The following AGAP3 variants were observed in gnomAD, a reference collection of about 807,000 sequenced individuals.
The protein encoded by AGAP3 is arf-GAP with GTPase, ANK repeat and PH domain-containing protein 3.
In AGAP3, 24 loss-of-function variants were observed where a neutral mutation model predicts 96.9. That is an observed-to-expected ratio of 0.25 (90% CI 0.18 to 0.35). The LOEUF (loss-of-function observed/expected upper bound fraction) is 0.35, where lower values mean the gene tolerates loss of function less well. Among genes scored for constraint, AGAP3 ranks in the 10% least tolerant of loss-of-function variants. The pLI, the probability that AGAP3 is intolerant of heterozygous loss-of-function variation, is 1.00. For missense variants in AGAP3, 876 were observed against 1,254.2 expected (o/e 0.70, Z 4.55); for synonymous variants, 563 against 536.1 (o/e 1.05, Z -0.69).
In AGAP3 at chr7:151,141,083, G is replaced by C. The variant is rs1229071582; in HGVS notation, c.1805-815G>C. On this transcript the variant is annotated intron_variant, in intron 13 of 17. Coordinates refer to ENST00000397238, the MANE Select transcript of AGAP3 (RefSeq NM_031946.7). The surrounding 1 kb of genome is among the most constrained non-coding windows in gnomAD (Gnocchi z 4.2). ...CCTTGGCAGAACTGGGGTTCACCCT[G>C]GGGCCTTACCACAGGCACCTGTGCT... The C allele has an allele frequency of 3.9e-5, 6 of 152,168 alleles. No individual in the cohort carries two copies. Among genetic ancestry groups the C allele is most frequent in the Non-Finnish European group, 8.8e-5 (6 of 68,044 alleles). The allele number at this position is 152,168 out of a possible 1,614,324, so 9.4% of individuals were successfully genotyped here.
In AGAP3 at chr7:151,086,786, G is replaced by A; in HGVS notation, c.45G>A (p.Gln15=). The change falls in exon 1 of 18, where the codon CAG becomes CAA. Residue 15 remains glutamine (Q), a synonymous_variant. Coordinates refer to ENST00000397238, the MANE Select transcript of AGAP3 (RefSeq NM_031946.7). ...GGGGGCAGAGCCCGCAGCAGCAGCA[G>A]AGCCTGGCGGCTCCGGGGGGCGGCG... is the stretch of plus-strand genomic sequence containing the variant. The part of the protein sequence containing the change: ...AGGGQSPQQQ[Q]SLAAPGGGGA... 1 of 928,062 alleles carries A rather than the reference G, an allele frequency of 1.1e-6. No homozygotes were observed. The highest frequency in any genetic ancestry group is 1.5e-4 in the East Asian group (1 of 6,774). 57.5% of individuals were successfully genotyped at this position (928,062 alleles called of 1,614,324 possible). A position where few individuals can be genotyped will look rare whatever the true frequency, so the allele number is the denominator to read the frequency against.
chr7:151,087,724 G>C lies in AGAP3; in HGVS notation c.331+652G>C, dbSNP rs573028932. On this transcript the variant is annotated intron_variant, in intron 1 of 17. Transcript: ENST00000397238. ...CTGGAGGCAGCTGCTGGGCAGCCGG[G>C]TGCTGACCGACCGCCAGGGACACCG... Among the ~76,000 whole-genome samples the C allele has an allele frequency of 3.3e-5, 5 of 152,388 alleles. No homozygotes were observed. The South Asian group carries it at 1.0e-3, about 32-fold the overall frequency.
intron 1 of AGAP3, among the ~76,000 whole-genome samples, chr7:151,112,396 C>CGTGTGT (rs71819427): frequency 0.029 from 4,028 of 139,890 alleles, 73 homozygotes; most frequent in Middle Eastern, 0.041. Flanking sequence ...TTCCCCGAGA[C>CGTGTGT]GTGTGTGTGT....
chr7:151,095,701 CAAAAAAAAAAAAAAA>C (rs35926416), intron 1 of AGAP3, among the ~76,000 whole-genome samples: 2 of 83,012 alleles, frequency 2.4e-5, no homozygotes, highest in African/African-American at 4.9e-5. Flanking sequence ...CACAGTTGTA[CAAAAAAAAAAAAAAA>C]AAAAAAAAAA....
chr7:151,139,848 TC>T lies in AGAP3; in HGVS notation c.1667-129del. 1.2e-6 allele frequency: 1 copy of T among 861,078 alleles called. No homozygotes were observed. Among genetic ancestry groups the T allele is most frequent in the Non-Finnish European group, 1.6e-6 (1 of 624,146 alleles). 53.3% of individuals were successfully genotyped at this position (861,078 alleles called of 1,614,324 possible). On this transcript the variant is annotated intron_variant, in intron 12 of 17. Coordinates refer to ENST00000397238, the MANE Select transcript of AGAP3 (RefSeq NM_031946.7). The surrounding 1 kb of genome is among the most constrained non-coding windows in gnomAD (Gnocchi z 4.9). ...GGCAGACCTCGCCTAGAGAGAGGTG[TC>T]CGTCTGGCTCTCCTGAGTGTGGCCC...
At chr7:151,130,737 C>T (rs1800370978) in intron 10 of AGAP3, among the ~76,000 whole-genome samples, 1 of 152,194 alleles carries the variant, frequency 6.6e-6, no homozygotes, top group Non-Finnish European at 1.5e-5. Context: ...CGAGTGGAGG[C>T]AGGGCCGGTT....
chr7:151,117,310 T>G, intron 3 of AGAP3, 61 bp from the exon 4 acceptor site: 1 of 1,607,184 alleles, frequency 6.2e-7, no homozygotes, highest in Non-Finnish European at 8.5e-7. Flanking sequence ...AGCTGTAGAT[T>G]TCTTCTTGGC....
At position 151,128,702 on chromosome 7, in the gene AGAP3, A is replaced by T; in HGVS notation, c.1326+18A>T. ...GCCTGCATGTGAGTCTGGGAGGAGG[A>T]GCCTCCTGGGGGAGTATGGGGAGGG... On this transcript the variant is annotated intron_variant, in intron 10 of 17. Transcript: ENST00000397238. The T allele has an allele frequency of 1.3e-6, 2 of 1,593,964 alleles. No homozygotes were observed. The highest frequency in any genetic ancestry group is 1.7e-6 in the Non-Finnish European group (2 of 1,162,582).
intron 11 of AGAP3, chr7:151,136,256 C>A (rs534785560): frequency 5.3e-4 from 81 of 152,274 alleles, no homozygotes; most frequent in African/African-American, 1.9e-3. Context: ...GGGCTGTTTC[C>A]CTAGAGCAAG....
intron 9 of AGAP3, among the ~76,000 whole-genome samples, chr7:151,127,640 A>G (rs1800232894): frequency 2.0e-5 from 3 of 152,182 alleles, no homozygotes; most frequent in Admixed American, 2.0e-4. Flanking sequence ...CTGGTCCTGA[A>G]TGACCCCCGC....
At chr7:151,131,901 C>A (rs528794745) in intron 10 of AGAP3, among the ~76,000 whole-genome samples, 17 of 152,264 alleles carry the variant, frequency 1.1e-4, no homozygotes, top group Non-Finnish European at 2.9e-5. Context: ...AGCCCAAGCC[C>A]CTCCCCTAAG....
At chr7:151,128,831 A>C in intron 10 of AGAP3, 147 bp downstream of exon 10, 1 of 716,412 alleles carries the variant, frequency 1.4e-6, no homozygotes. Flanking sequence ...AAGGAACCTC[A>C]CACTGGCAGC....
chr7:151,124,466 G>A (rs74672240), intron 9 of AGAP3, among the ~76,000 whole-genome samples: 16,021 of 152,268 alleles, frequency 0.11, 1,112 homozygotes, highest in Middle Eastern at 0.15. Flanking sequence ...TCTTTGATGT[G>A]TTGAGCCAGA....
Position 151,120,228 on chromosome 7 carries a change from G to T in AGAP3, c.1128+83G>T. 1.4e-6 allele frequency: 2 copies of T among 1,430,116 alleles called. 1 individual carries two copies. The highest frequency in any genetic ancestry group is 2.7e-5 in the South Asian group (2 of 75,212). 88.6% of individuals were successfully genotyped at this position (1,430,116 alleles called of 1,614,324 possible). Reference sequence around the variant, plus strand: ...CGCCGAGCTCCCAGCCAGGAGGGGCGTGGGCAGCCCCAAGTCAGGAAGACG... The same window carrying T: ...CGCCGAGCTCCCAGCCAGGAGGGGCTTGGGCAGCCCCAAGTCAGGAAGACG... On this transcript the variant is annotated intron_variant, in intron 8 of 17. Coordinates refer to ENST00000397238, the MANE Select transcript of AGAP3 (RefSeq NM_031946.7).
chr7:151,114,788 G>T lies in AGAP3; in HGVS notation c.332-2005G>T. 9.7e-7 allele frequency: 1 copy of T among 1,035,882 alleles called. No individual in the cohort carries two copies. The highest frequency in any genetic ancestry group is 1.2e-6 in the Non-Finnish European group (1 of 864,820). The allele number at this position is 1,035,882 out of a possible 1,614,324, so 64.2% of individuals were successfully genotyped here. ...CCCTGAGCATGGAGCGGGGCTGGCC[G>T]CAGGGGGACAGCTGTCCCGGGGAGC... On this transcript the variant is annotated intron_variant, in intron 1 of 17. Coordinates refer to ENST00000397238, the MANE Select transcript of AGAP3 (RefSeq NM_031946.7). This position sits in a 1 kb window ranked among gnomAD's most constrained non-coding sequence, Gnocchi z 4.4.
intron 10 of AGAP3, among the ~76,000 whole-genome samples, chr7:151,130,232 A>G (rs1035881864): frequency 1.3e-5 from 2 of 152,130 alleles, no homozygotes; most frequent in Admixed American, 6.5e-5. Flanking sequence ...CCCTCTGCCA[A>G]CAGTGGAGGC....
At chr7:151,122,898 C>T (rs1014140254) in intron 8 of AGAP3, 64 of 1,518,688 alleles carry the variant, frequency 4.2e-5, no homozygotes, top group Non-Finnish European at 5.6e-5. Context: ...GAGCTCCCCA[C>T]TCCAGAGACC....
chr7:151,113,937 C>T (rs1487730572), intron 1 of AGAP3, among the ~76,000 whole-genome samples: 1 of 152,164 alleles, frequency 6.6e-6, no homozygotes, highest in Non-Finnish European at 1.5e-5. Context: ...TTGATCTCAG[C>T]CCATCATCCC....
chr7:151,095,474 C>A lies in AGAP3; in HGVS notation c.331+8402C>A, dbSNP rs181884790. Among the ~76,000 whole-genome samples, 354 of 152,196 alleles carry A rather than the reference C, an allele frequency of 2.3e-3. 7 individuals are homozygous for A. Among genetic ancestry groups the A allele is most frequent in the Non-Finnish European group, 3.2e-4 (22 of 68,006 alleles). On this transcript the variant is annotated intron_variant, in intron 1 of 17. Transcript: ENST00000397238. ...CCTTTTCAGTTTGGTGTTTTGATGG[C>A]TTGCAAACCTGAAACCCCAGCGCCT... is the stretch of plus-strand genomic sequence containing the variant.
Sources: allele counts gnomAD v4.1 joint callset (sites outside exome capture counted in the v4.1 genomes callset), GRCh38; gene constraint gnomAD v4.1.1; non-coding constraint Gnocchi (gnomAD v3.1); transcripts MANE v1.5; gene names NCBI Gene and HGNC (gene_info 2026-07-23, HGNC 2026-07-21).